CNTNAP4: variants seen among roughly 807,000 people sequenced by gnomAD.
The protein encoded by CNTNAP4 is contactin-associated protein-like 4.
In CNTNAP4, 98 loss-of-function variants were observed where a neutral mutation model predicts 148.4. The observed-to-expected ratio is 0.66, with a 90% CI of 0.56 to 0.78. CNTNAP4 has a LOEUF of 0.78. Among genes scored for constraint, CNTNAP4 ranks in the 30% least tolerant of loss-of-function variants. CNTNAP4 has a pLI of 0.00. For missense variants in CNTNAP4, 1,935 were observed against 1,565.6 expected, an observed-to-expected ratio of 1.24 and a Z score of -3.98; for synonymous variants, 730 against 565.1, an observed-to-expected ratio of 1.29 and a Z score of -4.14.
At chr16:76,314,357 G>A (rs1233003260) in intron 1 of CNTNAP4, among the ~76,000 whole-genome samples, 2 of 152,160 alleles carry the variant, frequency 1.3e-5, no homozygotes, top group African/African-American at 2.4e-5. Flanking sequence ...AAGTAAAGTG[G>A]TGAAAGTTCA....
At chr16:76,384,039 GTTAT>G (rs558833268) in intron 3 of CNTNAP4, among the ~76,000 whole-genome samples, 4 of 151,752 alleles carry the variant, frequency 2.6e-5, no homozygotes, top group African/African-American at 7.3e-5. Flanking sequence ...TTTGTTTTTT[GTTAT>G]TTATTTATTT....
At chr16:76,469,635 T>A (rs911954619) in intron 10 of CNTNAP4, 1 of 152,202 alleles carries the variant, frequency 6.6e-6, no homozygotes, top group African/African-American at 2.4e-5. Flanking sequence ...GGACTCCCGG[T>A]TGCCTACTTT....
chr16:76,535,509 A>G, intron 17 of CNTNAP4, 36 bp from the exon 18 acceptor site: 4 of 1,607,698 alleles, frequency 2.5e-6, no homozygotes, highest in Non-Finnish European at 3.4e-6. Context: ...TAAAACACCT[A>G]GGAACATGTT....
chr16:76,388,276 A>C (rs909290886), intron 3 of CNTNAP4, among the ~76,000 whole-genome samples: 25 of 152,210 alleles, frequency 1.6e-4, no homozygotes, highest in Non-Finnish European at 4.4e-5. Flanking sequence ...GAGTGCCAGG[A>C]ATTCACTCTC....
intron 4 of CNTNAP4, among the ~76,000 whole-genome samples, chr16:76,433,939 C>A (rs564440473): frequency 6.6e-6 from 1 of 151,878 alleles, no homozygotes; most frequent in African/African-American, 2.4e-5. Flanking sequence ...TTCTCTAATT[C>A]TTTGCAAAAT....
At chr16:76,360,082 A>G (rs1445376007) in intron 3 of CNTNAP4, among the ~76,000 whole-genome samples, 1 of 152,234 alleles carries the variant, frequency 6.6e-6, no homozygotes, top group Non-Finnish European at 1.5e-5. Context: ...TATTTAAAAT[A>G]GACTTCAGTT....
intron 3 of CNTNAP4, among the ~76,000 whole-genome samples, chr16:76,357,830 C>A (rs2144519308): frequency 6.6e-6 from 1 of 152,228 alleles, no homozygotes; most frequent in Non-Finnish European, 1.5e-5. Flanking sequence ...GCACATTTTT[C>A]TTTTCCCTAT....
chr16:76,305,290 A>T (rs368211096), intron 1 of CNTNAP4, among the ~76,000 whole-genome samples: 4 of 152,276 alleles, frequency 2.6e-5, no homozygotes, highest in African/African-American at 9.6e-5. Context: ...CTCCATAAGA[A>T]TAGGTAGTGG....
intron 3 of CNTNAP4, among the ~76,000 whole-genome samples, chr16:76,369,154 A>T (rs1244729219): frequency 6.6e-6 from 1 of 152,120 alleles, no homozygotes; most frequent in African/African-American, 2.4e-5. Context: ...GAAATAACAC[A>T]TCCTAAAAGA....
At chr16:76,415,838 C>T (rs1296299657) in intron 3 of CNTNAP4, among the ~76,000 whole-genome samples, 1 of 150,914 alleles carries the variant, frequency 6.6e-6, no homozygotes, top group East Asian at 1.9e-4. Flanking sequence ...TTTCATTCTA[C>T]AAAATATTTT....
chr16:76,333,204 C>T (rs543032007), intron 2 of CNTNAP4, among the ~76,000 whole-genome samples: 52 of 152,292 alleles, frequency 3.4e-4, no homozygotes, highest in African/African-American at 1.3e-3. Flanking sequence ...CTAAGTGACA[C>T]ATGATGTAGG....
At chr16:76,489,606 T>G (rs2143774984) in intron 12 of CNTNAP4, 80 bp from the exon 13 acceptor site, 2 of 757,822 alleles carry the variant, frequency 2.6e-6, no homozygotes, top group Non-Finnish European at 1.9e-6. Flanking sequence ...TAAAAGGTGA[T>G]TTTGATTTTC....
At chr16:76,464,857 T>A (rs1156749173) in intron 9 of CNTNAP4, among the ~76,000 whole-genome samples, 1 of 152,236 alleles carries the variant, frequency 6.6e-6, no homozygotes, top group Non-Finnish European at 1.5e-5. Flanking sequence ...GACTGTATTG[T>A]GGTGGTACAT....
Position 76,535,563 on chromosome 16 carries a change from A to G in CNTNAP4, c.2774A>G (p.Gln925Arg). ...QLFVGGTATR[Q>R]RGFLGCIRSL... ...CTTTTAGGTGGAACGGCCACCAGACAGAGAGGCTTTCTGGGCTGCATTCGG... is the reference window on the plus strand; with the variant it reads ...CTTTTAGGTGGAACGGCCACCAGACGGAGAGGCTTTCTGGGCTGCATTCGG... Residue 925 changes from glutamine (Q) to arginine (R), a missense_variant, in exon 18 of 24, where the codon CAG becomes CGG. Transcript: ENST00000611870. 6.2e-7 allele frequency: 1 copy of G among 1,612,294 alleles called. No individual in the cohort carries two copies. The highest frequency in any genetic ancestry group is 2.2e-5 in the East Asian group (1 of 44,866).
At chr16:76,395,674 TG>T (rs2078177494) in intron 3 of CNTNAP4, among the ~76,000 whole-genome samples, 1 of 152,126 alleles carries the variant, frequency 6.6e-6, no homozygotes, top group African/African-American at 2.4e-5. Flanking sequence ...AGTTCTATTT[TG>T]GTCACACAAA....
chr16:76,460,793 T>TATATATATATATACAC (rs1292198875), intron 8 of CNTNAP4, among the ~76,000 whole-genome samples: 2 of 110,518 alleles, frequency 1.8e-5, no homozygotes, highest in African/African-American at 7.5e-5. Flanking sequence ...TATATATATA[T>TATATATATATATACAC]ATTTAGAATT....
At chr16:76,558,308 A>C (rs554405868) in intron 23 of CNTNAP4, 182 bp from the exon 24 acceptor site, 33 of 507,724 alleles carry the variant, frequency 6.5e-5, no homozygotes, top group Non-Finnish European at 9.7e-5. Context: ...GAACTCAGAA[A>C]TAAACTCAAC....
chr16:76,432,451 G>A (rs1263934914), intron 4 of CNTNAP4: 2 of 152,146 alleles, frequency 1.3e-5, no homozygotes, highest in Admixed American at 1.3e-4. Context: ...GGATCAAAGA[G>A]AAACTATAAA....
chr16:76,337,967 G>A (rs751041837), intron 2 of CNTNAP4, among the ~76,000 whole-genome samples: 4 of 152,104 alleles, frequency 2.6e-5, no homozygotes, highest in Admixed American at 6.5e-5. Flanking sequence ...CTTTTTCAGG[G>A]TGCCCTGATT....
Sources: gnomAD v4.1 joint callset for allele counts (sites outside exome capture counted in the v4.1 genomes callset) on GRCh38, gnomAD v4.1.1 for gene constraint, MANE v1.5 for transcripts, NCBI Gene and HGNC (gene_info 2026-07-23, HGNC 2026-07-21) for gene names.